Variants in ADAM12 observed in about 807,000 individuals in gnomAD.
ADAM12 encodes disintegrin and metalloproteinase domain-containing protein 12.
A neutral mutation model predicts 106.4 loss-of-function variants in ADAM12; 70 were observed. The ratio of observed to expected loss-of-function variants is 0.66; its 90% CI spans 0.54 to 0.80. The LOEUF (loss-of-function observed/expected upper bound fraction) is 0.80, where lower values mean the gene tolerates loss of function less well. Among genes scored for constraint, ADAM12 ranks in the 30% least tolerant of loss-of-function variants. ADAM12 has a pLI of 0.00. For missense variants in ADAM12, 1,010 were observed against 1,171.9 expected (o/e 0.86, Z 2.02); for synonymous variants, 420 against 433.5 (o/e 0.97, Z 0.39).
chr10:126,277,818 T>TC (rs1959343040), intron 3 of ADAM12, among the ~76,000 whole-genome samples: 1 of 152,158 alleles, frequency 6.6e-6, no homozygotes, highest in Non-Finnish European at 1.5e-5. Flanking sequence ...AGGTTGCAGA[T>TC]CCCAGGGAGC....
chr10:126,018,472 G>A (rs1277076514), intron 22 of ADAM12, among the ~76,000 whole-genome samples: 1 of 152,158 alleles, frequency 6.6e-6, no homozygotes, highest in Non-Finnish European at 1.5e-5. Context: ...CAGCTACCAT[G>A]ACCTAGGTTT....
rs1953602545 is a variant in ADAM12, at chr10:126,013,403, T to A, written c.*3876A>T. The stretch of plus-strand genomic sequence containing the variant: ...GAACTTTAAGGTGAGTCAAGAGAAT[T>A]TTGTAATTATAGATAAGTTGATTTT... On this transcript the variant is annotated 3_prime_UTR_variant, in exon 23 of 23. Transcript: ENST00000448723. This position sits in a 1 kb window ranked among gnomAD's most constrained non-coding sequence, Gnocchi z 4.3. 1 of 152,216 alleles carries A rather than the reference T, an allele frequency of 6.6e-6. No individual in the cohort carries two copies. The highest frequency in any genetic ancestry group is 1.5e-5 in the Non-Finnish European group (1 of 68,040). 9.4% of individuals were successfully genotyped at this position (152,216 alleles called of 1,614,324 possible).
intron 3 of ADAM12, among the ~76,000 whole-genome samples, chr10:126,180,510 G>A (rs529237146): frequency 1.4e-4 from 22 of 152,238 alleles, no homozygotes; most frequent in Admixed American, 1.0e-3. Context: ...AAGACAGTAC[G>A]AGAAACCTGA....
intron 3 of ADAM12, among the ~76,000 whole-genome samples, chr10:126,229,210 G>T (rs1209917723): frequency 6.6e-6 from 1 of 152,118 alleles, no homozygotes; most frequent in Non-Finnish European, 1.5e-5. Flanking sequence ...GGTGGGCAGG[G>T]GCTTCCGGTG....
At chr10:126,120,954 A>AATATATATTATATATTACATATGTAAT (rs1956076795) in intron 5 of ADAM12, among the ~76,000 whole-genome samples, 3 of 137,968 alleles carry the variant, frequency 2.2e-5, no homozygotes, top group African/African-American at 5.4e-5. Context: ...TATGTAATAT[A>AATATATATTATATATTACATATGTAAT]ATATATATTA....
intron 3 of ADAM12, among the ~76,000 whole-genome samples, chr10:126,276,535 A>C (rs1252194773): frequency 1.3e-5 from 2 of 152,300 alleles, no homozygotes; most frequent in South Asian, 2.1e-4. Flanking sequence ...TTTTGCAAAA[A>C]AATTGTTATA....
intron 3 of ADAM12, among the ~76,000 whole-genome samples, chr10:126,189,107 G>A (rs1371052260): frequency 6.6e-6 from 1 of 152,174 alleles, no homozygotes; most frequent in African/African-American, 2.4e-5. Context: ...GATACAATGA[G>A]AGCTTTAGGA....
chr10:126,281,126 T>C (rs372409751), intron 2 of ADAM12, among the ~76,000 whole-genome samples: 5 of 152,322 alleles, frequency 3.3e-5, no homozygotes, highest in Admixed American at 2.0e-4. Flanking sequence ...GTTTGTAATA[T>C]GTACCCATTA....
chr10:126,088,178 G>T (rs925305964), intron 11 of ADAM12, among the ~76,000 whole-genome samples: 1 of 152,084 alleles, frequency 6.6e-6, no homozygotes, highest in African/African-American at 2.4e-5. Flanking sequence ...GATTTGATGA[G>T]GTACCCTGCA....
At chr10:126,225,877 C>A (rs1212575048) in intron 3 of ADAM12, among the ~76,000 whole-genome samples, 1 of 152,136 alleles carries the variant, frequency 6.6e-6, no homozygotes, top group Non-Finnish European at 1.5e-5. Flanking sequence ...GATGTAAGAG[C>A]CCAGAGCGTG....
At chr10:126,250,532 G>A (rs1958724423) in intron 3 of ADAM12, among the ~76,000 whole-genome samples, 1 of 152,136 alleles carries the variant, frequency 6.6e-6, no homozygotes. Context: ...AATCCATCAA[G>A]ACTCTTACAT....
At chr10:126,334,074 G>T (rs1590793921) in intron 1 of ADAM12, among the ~76,000 whole-genome samples, 1 of 152,208 alleles carries the variant, frequency 6.6e-6, no homozygotes, top group East Asian at 1.9e-4. Context: ...TTATACACTG[G>T]TATTTCTTTT....
At chr10:126,331,460 A>G (rs1348175428) in intron 1 of ADAM12, among the ~76,000 whole-genome samples, 1 of 152,182 alleles carries the variant, frequency 6.6e-6, no homozygotes, top group South Asian at 2.1e-4. Context: ...AATCCTAGAC[A>G]TTTTACAGTT....
Position 126,094,036 on chromosome 10 carries a change from C to T in ADAM12, c.1094G>A (p.Ser365Asn). 6.2e-7 allele frequency: 1 copy of T among 1,614,184 alleles called. No homozygotes were observed. Among genetic ancestry groups the T allele is most frequent in the Non-Finnish European group, 8.5e-7 (1 of 1,180,040 alleles). Reference protein sequence around the residue: ...MNHDTLDRGCSCQMAVEKGGC... With the variant: ...MNHDTLDRGCNCQMAVEKGGC... ...TCCTTTCTCAACCGCCATTTGACAG[C>T]TACAGCCCCTGTCCAGTGTGTCATG... Residue 365 changes from serine (S) to asparagine (N), a missense_variant, in exon 11 of 23, where the codon AGC becomes AAC. By Grantham distance (46) the Ser-to-Asn change is conservative. Around this residue, in one of 3 missense-constraint regions of ADAM12, gnomAD observed 615 missense variants for 708.5 expected, o/e 0.87. Transcript: ENST00000448723.
At chr10:126,158,041 G>A (rs777508210) in intron 3 of ADAM12, among the ~76,000 whole-genome samples, 2 of 152,322 alleles carry the variant, frequency 1.3e-5, no homozygotes, top group African/African-American at 4.8e-5. Flanking sequence ...CGAGGTGAAC[G>A]AATGTTCCAC....
chr10:126,221,881 G>A (rs1173789950), intron 3 of ADAM12, among the ~76,000 whole-genome samples: 1 of 152,188 alleles, frequency 6.6e-6, no homozygotes, highest in East Asian at 1.9e-4. Context: ...CGTGCCCAAT[G>A]GTGGCATCTT....
chr10:126,244,875 A>G (rs1325380474), intron 3 of ADAM12, among the ~76,000 whole-genome samples: 1 of 152,234 alleles, frequency 6.6e-6, no homozygotes, highest in East Asian at 1.9e-4. Context: ...GGAGTTGTAC[A>G]TTAGCAAATG....
chr10:126,336,815 C>T (rs10901597), intron 1 of ADAM12, among the ~76,000 whole-genome samples: 10,937 of 152,124 alleles, frequency 0.072, 530 homozygotes, highest in East Asian at 0.16. Context: ...GGCTGAATTA[C>T]GAAGATGTAG....
At chr10:126,341,155 A>G (rs1590802652) in intron 1 of ADAM12, among the ~76,000 whole-genome samples, 2 of 151,642 alleles carry the variant, frequency 1.3e-5, no homozygotes, top group Non-Finnish European at 2.9e-5. Flanking sequence ...TTTCCTCCCA[A>G]CCCAAGTTGC....
Sources: allele counts gnomAD v4.1 joint callset (sites outside exome capture counted in the v4.1 genomes callset), GRCh38; gene constraint gnomAD v4.1.1; regional missense constraint gnomAD v4.1.1; non-coding constraint Gnocchi (gnomAD v3.1); transcripts MANE v1.5; gene names NCBI Gene and HGNC (gene_info 2026-07-23, HGNC 2026-07-21).